Variants in OPCML observed in about 807,000 individuals in gnomAD.
OPCML encodes the protein opioid-binding protein/cell adhesion molecule.
A neutral mutation model predicts 37.8 loss-of-function variants in OPCML; 13 were observed. The ratio of observed to expected loss-of-function variants is 0.34; its 90% CI spans 0.22 to 0.55. OPCML has a LOEUF of 0.55. OPCML is among the 20% of genes least tolerant of loss of function. The pLI is 0.91. For synonymous variants in OPCML, 176 were observed against 168.8 expected (o/e 1.04, Z -0.33); for missense variants, 341 against 435.6 (o/e 0.78, Z 1.93).
intron 1 of OPCML, among the ~76,000 whole-genome samples, chr11:133,390,625 C>T (rs933779928): frequency 2.6e-5 from 4 of 152,004 alleles, no homozygotes; most frequent in African/African-American, 9.7e-5. Flanking sequence ...TTTGATCAAC[C>T]CAAGAAGACT....
intron 2 of OPCML, among the ~76,000 whole-genome samples, chr11:132,711,648 C>T (rs557841180): frequency 1.3e-4 from 20 of 152,076 alleles, no homozygotes; most frequent in South Asian, 4.2e-4. Context: ...AGAACCATTG[C>T]GTGTGAGTGT....
At chr11:133,229,360 A>G (rs551836083) in intron 1 of OPCML, among the ~76,000 whole-genome samples, 1 of 152,274 alleles carries the variant, frequency 6.6e-6, no homozygotes, top group South Asian at 2.1e-4. Flanking sequence ...TTGGTATTGC[A>G]GTGTTTGTGT....
intron 2 of OPCML, among the ~76,000 whole-genome samples, chr11:132,869,008 T>C (rs1324512498): frequency 1.3e-5 from 2 of 152,042 alleles, no homozygotes; most frequent in Non-Finnish European, 2.9e-5. Flanking sequence ...AGGAATGGCA[T>C]AGAAGTCTGT....
At chr11:132,903,078 C>T (rs1446386925) in intron 2 of OPCML, among the ~76,000 whole-genome samples, 2 of 152,184 alleles carry the variant, frequency 1.3e-5, no homozygotes, top group African/African-American at 4.8e-5. Flanking sequence ...CCCCATTTAC[C>T]TCTCTTTCAT....
chr11:132,920,635 C>T (rs1164512051), intron 2 of OPCML, among the ~76,000 whole-genome samples: 2 of 152,170 alleles, frequency 1.3e-5, no homozygotes, highest in East Asian at 1.9e-4. Context: ...TCTCCAGGCG[C>T]TTTACGAGCC....
chr11:133,213,757 T>A (rs73598438), intron 1 of OPCML, among the ~76,000 whole-genome samples: 35,862 of 152,128 alleles, frequency 0.24, 4,321 homozygotes, highest in Non-Finnish European at 0.26. Flanking sequence ...TTCAGGGGGT[T>A]TAGACATGTT....
chr11:133,454,837 A>G (rs1946644849), intron 1 of OPCML, among the ~76,000 whole-genome samples: 2 of 152,192 alleles, frequency 1.3e-5, no homozygotes, highest in Admixed American at 6.5e-5. Context: ...ATCACTTATC[A>G]ACATTTCCTT....
intron 1 of OPCML, among the ~76,000 whole-genome samples, chr11:133,181,257 G>T (rs538747360): frequency 6.6e-6 from 1 of 151,820 alleles, no homozygotes. Flanking sequence ...CACACACAGC[G>T]GTGCACAAGG....
At chr11:132,606,422 G>C (rs963641760) in intron 3 of OPCML, among the ~76,000 whole-genome samples, 5 of 152,156 alleles carry the variant, frequency 3.3e-5, no homozygotes, top group African/African-American at 9.6e-5. Flanking sequence ...GACCTCCGCT[G>C]CCTGATTCCC....
rs116092372 is a variant in OPCML, at chr11:132,856,310, G to A, written c.146+86616C>T. On this transcript the variant is annotated intron_variant, in intron 2 of 7. Transcript: ENST00000524381. ...CATGATGGCTATCAAATAATACCTT[G>A]GTAGGATATGGCGTAAATGTAAACA... 7.8e-3 allele frequency among the ~76,000 whole-genome samples: 1,182 copies of A among 152,228 alleles called. 19 individuals are homozygous for A. The highest frequency in any genetic ancestry group is 0.027 in the African/African-American group (1,126 of 41,542).
At chr11:132,621,381 C>T (rs147265702) in intron 3 of OPCML, among the ~76,000 whole-genome samples, 2 of 152,044 alleles carry the variant, frequency 1.3e-5, no homozygotes, top group African/African-American at 4.8e-5. Flanking sequence ...TTCAAAATGG[C>T]TAAAAGATAA....
At chr11:132,979,232 A>G (rs1366062359) in intron 1 of OPCML, among the ~76,000 whole-genome samples, 1 of 152,120 alleles carries the variant, frequency 6.6e-6, no homozygotes, top group Non-Finnish European at 1.5e-5. Flanking sequence ...GATTCTCACA[A>G]CAGCAGGAGG....
chr11:133,030,284 G>T (rs746919047), intron 1 of OPCML, among the ~76,000 whole-genome samples: 2 of 152,128 alleles, frequency 1.3e-5, no homozygotes, highest in African/African-American at 4.8e-5. Flanking sequence ...ACAATTATAC[G>T]CAAAGGCTTA....
rs188726207 is a variant in OPCML at position 132,592,672 on chromosome 11, G to A, written c.380-63486C>T. On this transcript the variant is annotated intron_variant, in intron 3 of 7. Transcript: ENST00000524381. Reference sequence around the variant, plus strand: ...AGCTTTCTGAGCACAACCAGGATTCGTAGACCAGAGCTCATTCTTGGTTAC... The same window carrying A: ...AGCTTTCTGAGCACAACCAGGATTCATAGACCAGAGCTCATTCTTGGTTAC... 2.9e-4 allele frequency among the ~76,000 whole-genome samples: 44 copies of A among 152,308 alleles called. No individual in the cohort carries two copies. The South Asian group carries it at 7.3e-3, about 25-fold the overall frequency.
At chr11:133,204,276 C>A (rs568240805) in intron 1 of OPCML, among the ~76,000 whole-genome samples, 2 of 152,084 alleles carry the variant, frequency 1.3e-5, no homozygotes, top group Non-Finnish European at 2.9e-5. Flanking sequence ...ACATGTAAAT[C>A]GTTTGTAAGC....
intron 2 of OPCML, among the ~76,000 whole-genome samples, chr11:132,865,118 A>G (rs1308805596): frequency 3.3e-5 from 5 of 152,248 alleles, no homozygotes; most frequent in Admixed American, 2.0e-4. Flanking sequence ...AAAAAATATT[A>G]TGAAATTTTG....
Position 132,420,012 on chromosome 11 carries a change from A to AAC in OPCML, c.*180_*181insGT. 1 of 381,758 alleles carries AAC rather than the reference A, an allele frequency of 2.6e-6. No homozygotes were observed. The highest frequency in any genetic ancestry group is 5.0e-6 in the Non-Finnish European group (1 of 200,758). 23.6% of individuals were successfully genotyped at this position (381,758 alleles called of 1,614,324 possible). A position where few individuals can be genotyped will look rare whatever the true frequency, so the allele number is the denominator to read the frequency against. ...TAGAACCCTGCCCACCCCGCCCCCA[A>AAC]CCCCACTCATTCAAGCTGGAAATAA... is the stretch of plus-strand genomic sequence containing the variant. On this transcript the variant is annotated 3_prime_UTR_variant, in exon 8 of 8. Transcript: ENST00000524381.
chr11:132,542,995 G>C (rs1241843953), intron 3 of OPCML, among the ~76,000 whole-genome samples: 1 of 152,152 alleles, frequency 6.6e-6, no homozygotes, highest in Non-Finnish European at 1.5e-5. Context: ...TTTATCTTGG[G>C]AGGAAGATGG....
At chr11:133,432,776 A>C (rs1387524379) in intron 1 of OPCML, among the ~76,000 whole-genome samples, 1 of 152,200 alleles carries the variant, frequency 6.6e-6, no homozygotes, top group African/African-American at 2.4e-5. Flanking sequence ...CTGGGAAACC[A>C]GAGTGAATTC....
Sources: gnomAD v4.1 joint callset for allele counts (sites outside exome capture counted in the v4.1 genomes callset) on GRCh38, gnomAD v4.1.1 for gene constraint, MANE v1.5 for transcripts, NCBI Gene and HGNC (gene_info 2026-07-23, HGNC 2026-07-21) for gene names.